Variants in MAPRE1 observed in about 807,000 individuals in gnomAD.
MAPRE1 encodes the protein microtubule associated protein RP/EB family member 1, also known as microtubule-associated protein RP/EB family member 1.
MAPRE1 carries 5 observed loss-of-function variants against 32.1 expected under a neutral mutation model. The observed-to-expected ratio is 0.16, with a 90% CI of 0.08 to 0.33. The LOEUF is 0.33. Among genes scored for constraint, MAPRE1 ranks in the 10% least tolerant of loss-of-function variants. MAPRE1 has a pLI of 1.00. For synonymous variants in MAPRE1, 122 were observed against 118.9 expected (o/e 1.03, Z -0.17); for missense variants, 209 against 327.2 (o/e 0.64, Z 2.79).
chr20:32,825,013 A>G (rs113580610), intron 1 of MAPRE1, among the ~76,000 whole-genome samples: 2 of 151,904 alleles, frequency 1.3e-5, no homozygotes, highest in Non-Finnish European at 2.9e-5. Context: ...TTAGCCAGGC[A>G]TGGTGGCATG....
intron 2 of MAPRE1, among the ~76,000 whole-genome samples, chr20:32,831,251 C>T (rs13044318): frequency 2.0e-5 from 3 of 151,924 alleles, no homozygotes; most frequent in Non-Finnish European, 4.4e-5. Context: ...TGAGATCAGC[C>T]TGGGCAACAT....
At chr20:32,825,257 C>T (rs2146121379) in intron 1 of MAPRE1, among the ~76,000 whole-genome samples, 1 of 152,014 alleles carries the variant, frequency 6.6e-6, no homozygotes, top group Middle Eastern at 3.4e-3. Flanking sequence ...GTTTTCTAAA[C>T]AGAAAGCATT....
chr20:32,835,369 T>TTTTTTTTTTTTG, intron 3 of MAPRE1, among the ~76,000 whole-genome samples: 1 of 141,906 alleles, frequency 7.0e-6, no homozygotes, highest in South Asian at 2.3e-4. Context: ...TTGGTGTTTT[T>TTTTTTTTTTTTG]TTTTTTTTTT....
intron 3 of MAPRE1, among the ~76,000 whole-genome samples, chr20:32,835,522 T>G (rs1317724523): frequency 2.6e-5 from 4 of 152,158 alleles, no homozygotes; most frequent in Non-Finnish European, 5.9e-5. Context: ...GGAAAACATG[T>G]CATTTTGTAA....
At chr20:32,848,630 T>C (rs1179465952) in intron 6 of MAPRE1, 42 bp from the exon 7 acceptor site, 2 of 1,516,056 alleles carry the variant, frequency 1.3e-6, no homozygotes, top group Non-Finnish European at 9.1e-7. Context: ...ACAGTAGAAA[T>C]GGATCTTTCA....
intron 1 of MAPRE1, among the ~76,000 whole-genome samples, chr20:32,820,526 C>T (rs1467940884): frequency 6.6e-6 from 1 of 152,086 alleles, no homozygotes; most frequent in African/African-American, 2.4e-5. Context: ...ATCTGTAAAA[C>T]GGGGACAGTA....
chr20:32,839,655 T>C (rs2146134790), intron 4 of MAPRE1, 80 bp from the exon 5 acceptor site: 2 of 1,578,192 alleles, frequency 1.3e-6, no homozygotes, highest in Non-Finnish European at 1.7e-6. Flanking sequence ...TGGTCACAGC[T>C]TCTCCATGTT....
intron 1 of MAPRE1, among the ~76,000 whole-genome samples, chr20:32,822,898 T>C (rs1467316043): frequency 1.3e-5 from 2 of 152,234 alleles, no homozygotes; most frequent in Non-Finnish European, 2.9e-5. Context: ...TCTGGAAACA[T>C]AGGGATTAAT....
intron 5 of MAPRE1, among the ~76,000 whole-genome samples, chr20:32,846,360 C>T (rs866307772): frequency 1.3e-5 from 2 of 152,204 alleles, no homozygotes; most frequent in African/African-American, 4.8e-5. Flanking sequence ...TCTCCTTAAT[C>T]CTTTTTCAGT....
intron 2 of MAPRE1, among the ~76,000 whole-genome samples, chr20:32,832,999 A>G (rs182581674): frequency 6.6e-6 from 1 of 152,026 alleles, no homozygotes; most frequent in African/African-American, 2.4e-5. Flanking sequence ...CTTCTATTCA[A>G]CTTTGTTAAT....
intron 1 of MAPRE1, among the ~76,000 whole-genome samples, chr20:32,820,242 G>T (rs1203660579): frequency 8.5e-6 from 1 of 117,560 alleles, no homozygotes; most frequent in Non-Finnish European, 1.7e-5. Flanking sequence ...GCGGGGTCTC[G>T]GGCCGGAAGT....
chr20:32,822,175 G>C (rs1289118917), intron 1 of MAPRE1, among the ~76,000 whole-genome samples: 1 of 152,066 alleles, frequency 6.6e-6, no homozygotes, highest in Non-Finnish European at 1.5e-5. Context: ...GCTGGGGTGT[G>C]GTCAGGAGAC....
At chr20:32,835,236 A>C (rs1983154930) in intron 3 of MAPRE1, among the ~76,000 whole-genome samples, 1 of 152,200 alleles carries the variant, frequency 6.6e-6, no homozygotes, top group African/African-American at 2.4e-5. Flanking sequence ...AAAAAAGATT[A>C]AAAAGTTAAG....
intron 5 of MAPRE1, among the ~76,000 whole-genome samples, chr20:32,842,560 C>T (rs900945240): frequency 6.6e-6 from 1 of 152,134 alleles, no homozygotes; most frequent in African/African-American, 2.4e-5. Flanking sequence ...TCAGTCAGTC[C>T]CTGCTGAATG....
At position 32,846,774 on chromosome 20, in the gene MAPRE1, T is replaced by G. The variant is rs1983516465; in HGVS notation, c.750+4T>G. 6.2e-7 allele frequency: 1 copy of G among 1,613,898 alleles called. No homozygotes were observed. Among genetic ancestry groups the G allele is most frequent in the Non-Finnish European group, 8.5e-7 (1 of 1,179,910 alleles). On this transcript the variant is annotated splice_donor_region_variant and intron_variant, in intron 6 of 6. Coordinates refer to ENST00000375571, the MANE Select transcript of MAPRE1 (RefSeq NM_012325.3). ...AGACATTCTGTATGCCACAGATGTA[T>G]GTGTTTGACATGAGGATATTTTCTT...
In MAPRE1 at chr20:32,835,364, G is replaced by GTTTTTTTTTTTTTTTTTTTTTTTTTT. The variant is rs71190879; in HGVS notation, c.268-1254_268-1253insTTTTTTTTTTTTTTTTTTTTTTTTTT. Among the ~76,000 whole-genome samples, 3 of 106,658 alleles carry GTTTTTTTTTTTTTTTTTTTTTTTTTT rather than the reference G, an allele frequency of 2.8e-5. 1 individual carries two copies. Among genetic ancestry groups the GTTTTTTTTTTTTTTTTTTTTTTTTTT allele is most frequent in the African/African-American group, 9.3e-5 (2 of 21,426 alleles). 70.0% of individuals were successfully genotyped at this position (106,658 alleles called of 152,430 possible). On this transcript the variant is annotated intron_variant, in intron 3 of 6. Transcript: ENST00000375571. ...TTTTTGTGTGTGTGTTTTTATTGGT[G>GTTTTTTTTTTTTTTTTTTTTTTTTTT]TTTTTTTTTTTTTTTTGAGATGAGG...
At chr20:32,831,464 CTTT>C (rs76802491) in intron 2 of MAPRE1, among the ~76,000 whole-genome samples, 1 of 136,006 alleles carries the variant, frequency 7.4e-6, no homozygotes. Context: ...AAGTTGTTGA[CTTT>C]TTTTTTTTTT....
chr20:32,828,668 C>T (rs1203718991), intron 2 of MAPRE1, among the ~76,000 whole-genome samples: 2 of 152,132 alleles, frequency 1.3e-5, no homozygotes, highest in East Asian at 3.9e-4. Flanking sequence ...TGTGCCAGAC[C>T]CTGGAAATGA....
chr20:32,827,692 T>G, intron 2 of MAPRE1, among the ~76,000 whole-genome samples: 1 of 151,924 alleles, frequency 6.6e-6, no homozygotes, highest in East Asian at 2.0e-4. Flanking sequence ...GTCAGGAGTT[T>G]GAGACCAGCC....
Sources: gnomAD v4.1 joint callset for allele counts (sites outside exome capture counted in the v4.1 genomes callset) on GRCh38, gnomAD v4.1.1 for gene constraint, MANE v1.5 for transcripts, NCBI Gene and HGNC (gene_info 2026-07-23, HGNC 2026-07-21) for gene names.